RABGAP1: variants seen among roughly 807,000 people sequenced by gnomAD.
RABGAP1 encodes the protein rab GTPase-activating protein 1.
A neutral mutation model predicts 137.6 loss-of-function variants in RABGAP1; 23 were observed. The observed-to-expected ratio is 0.17, with a 90% CI of 0.12 to 0.24. The LOEUF (loss-of-function observed/expected upper bound fraction) is 0.24, where lower values mean the gene tolerates loss of function less well. Ranked by LOEUF, RABGAP1 falls within the 10% of genes least tolerant of loss-of-function variation. The pLI, the probability that RABGAP1 is intolerant of heterozygous loss-of-function variation, is 1.00. For synonymous variants in RABGAP1, 451 were observed against 450.7 expected (o/e 1.00, Z -0.01); for missense variants, 906 against 1,275.8 (o/e 0.71, Z 4.42).
At chr9:122,994,455 T>C (rs540513311) in intron 6 of RABGAP1, among the ~76,000 whole-genome samples, 2 of 152,358 alleles carry the variant, frequency 1.3e-5, no homozygotes, top group African/African-American at 4.8e-5. Flanking sequence ...ATTTAACAGT[T>C]TGATATGCAA....
chr9:123,007,430 T>A (rs1339146148), intron 10 of RABGAP1, among the ~76,000 whole-genome samples: 1 of 145,746 alleles, frequency 6.9e-6, no homozygotes, highest in Non-Finnish European at 1.5e-5. Context: ...TAGGCTGGAG[T>A]ACAGTGGAAC....
intron 1 of RABGAP1, among the ~76,000 whole-genome samples, chr9:122,942,163 AAAAACAAAAC>A (rs533478695): frequency 6.6e-6 from 1 of 152,238 alleles, no homozygotes; most frequent in South Asian, 2.1e-4. Flanking sequence ...TTCGGAAACA[AAAAACAAAAC>A]AAAACAAAAC....
chr9:122,977,494 G>A (rs938656429), intron 2 of RABGAP1, among the ~76,000 whole-genome samples: 6 of 152,200 alleles, frequency 3.9e-5, no homozygotes, highest in Non-Finnish European at 8.8e-5. Flanking sequence ...TTGAGGCCAG[G>A]AGTTTGAGAC....
chr9:122,959,198 T>G (rs901264554), intron 2 of RABGAP1, among the ~76,000 whole-genome samples: 1 of 151,900 alleles, frequency 6.6e-6, no homozygotes, highest in African/African-American at 2.4e-5. Flanking sequence ...GGAAAAGAGC[T>G]TTCCAGTTAG....
chr9:122,941,052 GACGGCGA>G lies in RABGAP1; in HGVS notation c.-90_-84del, dbSNP rs1215756634. Reference sequence around the variant, plus strand: ...GAGGCCCAGGCGGCGGAGCCTCCGGGACGGCGAGCGGCGGGCGGCGGAGGAGGAGACG... The same window carrying G: ...GAGGCCCAGGCGGCGGAGCCTCCGGGGCGGCGGGCGGCGGAGGAGGAGACG... On this transcript the variant is annotated 5_prime_UTR_variant, in exon 1 of 26. Coordinates refer to ENST00000373647, the MANE Select transcript of RABGAP1 (RefSeq NM_012197.4). 6.5e-6 allele frequency: 1 copy of G among 153,312 alleles called. No homozygotes were observed. The highest frequency in any genetic ancestry group is 1.4e-5 in the Non-Finnish European group (1 of 69,004). 9.5% of individuals were successfully genotyped at this position (153,312 alleles called of 1,614,324 possible).
At chr9:122,983,494 G>A (rs1836193598) in intron 2 of RABGAP1, among the ~76,000 whole-genome samples, 1 of 152,198 alleles carries the variant, frequency 6.6e-6, no homozygotes, top group Non-Finnish European at 1.5e-5. Context: ...ATAAAAGCCT[G>A]AATCAATAAA....
chr9:122,980,302 TTTTTAAG>T lies in RABGAP1; in HGVS notation c.151-4182_151-4176del, dbSNP rs938284750. ...CATTCATTTTTGGCTCACTGACTCT[TTTTTAAG>T]ACAAGGGGTCTCCTTATGTTGCCCA... is the stretch of plus-strand genomic sequence containing the variant. On this transcript the variant is annotated intron_variant, in intron 2 of 25. Coordinates refer to ENST00000373647, the MANE Select transcript of RABGAP1 (RefSeq NM_012197.4). Among the ~76,000 whole-genome samples the T allele has an allele frequency of 2.0e-4, 31 of 152,340 alleles. No individual in the cohort carries two copies. In the East Asian group the frequency reaches 2.7e-3, roughly 13 times the overall value.
chr9:122,942,927 CTTGAG>C (rs1490131343), intron 1 of RABGAP1, among the ~76,000 whole-genome samples: 2 of 152,018 alleles, frequency 1.3e-5, no homozygotes, highest in African/African-American at 2.4e-5. Flanking sequence ...GGGAGGACTA[CTTGAG>C]TTGAGAAGTT....
intron 6 of RABGAP1, among the ~76,000 whole-genome samples, chr9:122,993,823 C>G (rs949709129): frequency 7.9e-5 from 12 of 151,890 alleles, no homozygotes; most frequent in African/African-American, 2.9e-4. Context: ...GCTGCCACGC[C>G]CGGCTAATTT....
chr9:123,049,088 C>A (rs979066913), intron 13 of RABGAP1, among the ~76,000 whole-genome samples: 2 of 152,112 alleles, frequency 1.3e-5, no homozygotes, highest in Admixed American at 1.3e-4. Flanking sequence ...AATAAAGAGC[C>A]ATCTTTTCTG....
Position 123,080,490 on chromosome 9 carries a change from C to T in RABGAP1, c.2424+3728C>T, listed in dbSNP as rs554355140. On this transcript the variant is annotated intron_variant, in intron 19 of 25. Coordinates refer to ENST00000373647, the MANE Select transcript of RABGAP1 (RefSeq NM_012197.4). The stretch of plus-strand genomic sequence containing the variant: ...AGTTTAGTTAGTGATGATTTGTTGT[C>T]TTCTGGCAGCTATACTTAATACCAA... Among the ~76,000 whole-genome samples, 5 of 152,288 alleles carry T rather than the reference C, an allele frequency of 3.3e-5. No homozygotes were observed. The South Asian group carries it at 1.0e-3, about 32-fold the overall frequency.
At chr9:122,949,480 C>G (rs952320615) in intron 1 of RABGAP1, among the ~76,000 whole-genome samples, 4 of 151,830 alleles carry the variant, frequency 2.6e-5, no homozygotes, top group Non-Finnish European at 5.9e-5. Flanking sequence ...TGCCATTGCA[C>G]TCCAACCTGG....
In RABGAP1 at chr9:123,103,608, TATATATATATATA is replaced by T. The variant is rs2035410356; in HGVS notation, c.*396_*408del. On this transcript the variant is annotated 3_prime_UTR_variant, in exon 26 of 26. Transcript: ENST00000373647. ...ATATACATATATATATATATATATA[TATATATATATATA>T]TATATATATATATATAGTGGGGGTG... The T allele has an allele frequency of 1.1e-5, 1 of 87,632 alleles. No homozygotes were observed. The highest frequency in any genetic ancestry group is 3.8e-4 in the South Asian group (1 of 2,656). The allele number at this position is 87,632 out of a possible 1,614,324, so 5.4% of individuals were successfully genotyped here.
chr9:123,076,898 A>G, intron 19 of RABGAP1, 136 bp downstream of exon 19: 1 of 456,112 alleles, frequency 2.2e-6, no homozygotes. Context: ...CATTTATAAT[A>G]TATAAATAAT....
chr9:123,012,587 A>C (rs2030897476), intron 11 of RABGAP1, among the ~76,000 whole-genome samples: 1 of 152,332 alleles, frequency 6.6e-6, no homozygotes, highest in Middle Eastern at 3.4e-3. Flanking sequence ...GCCTCTACTG[A>C]TAGTTCTTAA....
At chr9:122,968,092 A>AT (rs1835268377) in intron 2 of RABGAP1, among the ~76,000 whole-genome samples, 1 of 152,088 alleles carries the variant, frequency 6.6e-6, no homozygotes, top group African/African-American at 2.4e-5. Flanking sequence ...GTTAATGTGT[A>AT]TATATGCATT....
intron 2 of RABGAP1, among the ~76,000 whole-genome samples, chr9:122,975,856 GAGACAGTTGGGGCTCCC>G (rs1835736421): frequency 6.6e-6 from 1 of 152,172 alleles, no homozygotes; most frequent in South Asian, 2.1e-4. Flanking sequence ...TTTTAGAGAT[GAGACAGTTGGGGCTCCC>G]AGACATTAAT....
At chr9:123,023,400 C>T (rs538941183) in intron 13 of RABGAP1, among the ~76,000 whole-genome samples, 7 of 152,216 alleles carry the variant, frequency 4.6e-5, no homozygotes, top group South Asian at 2.1e-4. Flanking sequence ...AGGCTCGTCT[C>T]GAACTCCTGA....
intron 13 of RABGAP1, among the ~76,000 whole-genome samples, chr9:123,025,304 T>A (rs538814357): frequency 6.6e-6 from 1 of 152,312 alleles, no homozygotes; most frequent in East Asian, 1.9e-4. Context: ...TTTGTATTAT[T>A]TCTGATAGCT....
Sources: gnomAD v4.1 joint callset for allele counts (sites outside exome capture counted in the v4.1 genomes callset) on GRCh38, gnomAD v4.1.1 for gene constraint, MANE v1.5 for transcripts, NCBI Gene and HGNC (gene_info 2026-07-23, HGNC 2026-07-21) for gene names.